DLGAP1: variants seen among roughly 807,000 people sequenced by gnomAD.
DLGAP1 encodes disks large-associated protein 1.
In DLGAP1, 11 loss-of-function variants were observed where a neutral mutation model predicts 90.8. The ratio of observed to expected loss-of-function variants is 0.12; its 90% CI spans 0.08 to 0.20. The LOEUF (loss-of-function observed/expected upper bound fraction) is 0.20. DLGAP1 is among the 10% of genes least tolerant of loss of function. The pLI, the probability that DLGAP1 is intolerant of heterozygous loss-of-function variation, is 1.00. For missense variants in DLGAP1, 1,050 were observed against 1,333.8 expected (o/e 0.79, Z 3.31); for synonymous variants, 558 against 540.7 (o/e 1.03, Z -0.44).
At chr18:4,216,295 C>A (rs955047192) in intron 1 of DLGAP1, among the ~76,000 whole-genome samples, 2 of 151,762 alleles carry the variant, frequency 1.3e-5, no homozygotes, top group Non-Finnish European at 2.9e-5. Context: ...TAAATTACCC[C>A]CCCCCCACCA....
chr18:4,118,552 C>A (rs979262145), intron 2 of DLGAP1, among the ~76,000 whole-genome samples: 1 of 152,122 alleles, frequency 6.6e-6, no homozygotes, highest in Non-Finnish European at 1.5e-5. Context: ...CTCTTAGTCA[C>A]CCCCGCCTAC....
In DLGAP1 at chr18:3,517,589, G is replaced by A. The variant is rs1370160607; in HGVS notation, c.2480-8928C>T. ...TCCCAGCACTTTGGGAGGCTGAGGCGGGTGGGTTACCTGAGGTCAGGAGGT... is the reference window on the plus strand; with the variant it reads ...TCCCAGCACTTTGGGAGGCTGAGGCAGGTGGGTTACCTGAGGTCAGGAGGT... On this transcript the variant is annotated intron_variant, in intron 10 of 12. Coordinates refer to ENST00000315677, the MANE Select transcript of DLGAP1 (RefSeq NM_004746.4). The surrounding 1 kb of genome is among the most constrained non-coding windows in gnomAD (Gnocchi z 4.1). 1.3e-5 allele frequency among the ~76,000 whole-genome samples: 2 copies of A among 151,992 alleles called. No individual in the cohort carries two copies. Among genetic ancestry groups the A allele is most frequent in the African/African-American group, 4.8e-5 (2 of 41,366 alleles).
At chr18:4,397,649 G>C (rs1428145201) in intron 1 of DLGAP1, among the ~76,000 whole-genome samples, 2 of 152,086 alleles carry the variant, frequency 1.3e-5, no homozygotes, top group African/African-American at 2.4e-5. Flanking sequence ...CAAGCTAATG[G>C]AGTAAAACTG....
chr18:4,098,389 TA>T (rs199942948), intron 2 of DLGAP1, among the ~76,000 whole-genome samples: 2 of 152,114 alleles, frequency 1.3e-5, no homozygotes, highest in African/African-American at 4.8e-5. Flanking sequence ...CTGAGTGATA[TA>T]AAAAAAGTAA....
At chr18:4,316,710 G>A (rs1283819905) in intron 1 of DLGAP1, among the ~76,000 whole-genome samples, 1 of 152,136 alleles carries the variant, frequency 6.6e-6, no homozygotes, top group Non-Finnish European at 1.5e-5. Flanking sequence ...ATTTAAGGCC[G>A]TCGAACTGAA....
chr18:3,999,301 G>A (rs1054369522), intron 3 of DLGAP1, among the ~76,000 whole-genome samples: 16 of 151,948 alleles, frequency 1.1e-4, no homozygotes, highest in African/African-American at 3.9e-4. Flanking sequence ...ATTATTAAAA[G>A]TTTATATGTA....
chr18:3,773,134 G>A (rs2064773833), intron 5 of DLGAP1, among the ~76,000 whole-genome samples: 1 of 151,798 alleles, frequency 6.6e-6, no homozygotes, highest in Admixed American at 6.6e-5. Flanking sequence ...AATGTGAAAG[G>A]GCACTATTGA....
In DLGAP1 at chr18:4,159,092, T is replaced by G. The variant is rs191812306; in HGVS notation, c.-266-7805A>C. Among the ~76,000 whole-genome samples, 8 of 152,298 alleles carry G rather than the reference T, an allele frequency of 5.3e-5. No individual in the cohort carries two copies. The East Asian group carries it at 1.5e-3, about 29-fold the overall frequency. On this transcript the variant is annotated intron_variant, in intron 1 of 12. Transcript: ENST00000315677. ...ATTTGAAAGAATGAGCAGTTGCCTA[T>G]TTCTGAACAATTGCACATTATTTCT...
chr18:3,667,772 G>A (rs1043538515), intron 7 of DLGAP1, among the ~76,000 whole-genome samples: 69 of 152,236 alleles, frequency 4.5e-4, no homozygotes, highest in African/African-American at 1.6e-3. Context: ...CACCCCCAAG[G>A]CTAGGCCAGA....
At chr18:3,788,466 T>G (rs1476686555) in intron 5 of DLGAP1, among the ~76,000 whole-genome samples, 1 of 152,194 alleles carries the variant, frequency 6.6e-6, no homozygotes, top group African/African-American at 2.4e-5. Flanking sequence ...AGTGAGTTGT[T>G]TCTATCCCAC....
rs547325677 is a variant in DLGAP1 at position 3,973,908 on chromosome 18, C to T, written c.-73+31208G>A. ...CAGAGTGGACTTAGATGGACCTAGA[C>T]GGCATAGCCTACCACACTCTCAGGC... is the stretch of plus-strand genomic sequence containing the variant. On this transcript the variant is annotated intron_variant, in intron 3 of 12. Transcript: ENST00000315677. 3.0e-4 allele frequency among the ~76,000 whole-genome samples: 45 copies of T among 152,222 alleles called. 1 individual carries two copies. The South Asian group carries it at 8.3e-3, about 28-fold the overall frequency.
chr18:4,041,551 C>A (rs2074975110), intron 2 of DLGAP1, among the ~76,000 whole-genome samples: 1 of 152,170 alleles, frequency 6.6e-6, no homozygotes, highest in Admixed American at 6.5e-5. Context: ...TACTGATACT[C>A]CCGAAAGAAA....
chr18:3,527,415 T>G (rs1334072646), intron 10 of DLGAP1, among the ~76,000 whole-genome samples: 7 of 146,384 alleles, frequency 4.8e-5, no homozygotes, highest in African/African-American at 1.0e-4. Flanking sequence ...CCAAACTTTT[T>G]TTTTTTTTTT....
intron 3 of DLGAP1, among the ~76,000 whole-genome samples, chr18:4,001,725 T>A: frequency 6.6e-6 from 1 of 152,182 alleles, no homozygotes. Context: ...TAGTTTCTCC[T>A]CAATGTGGGG....
intron 3 of DLGAP1, among the ~76,000 whole-genome samples, chr18:3,963,591 T>G (rs978567642): frequency 7.2e-5 from 11 of 151,818 alleles, no homozygotes; most frequent in African/African-American, 2.4e-4. Flanking sequence ...CTGTTTTTTT[T>G]TTTTTTTTTT....
At chr18:4,078,353 A>G (rs930597809) in intron 2 of DLGAP1, among the ~76,000 whole-genome samples, 10 of 152,198 alleles carry the variant, frequency 6.6e-5, no homozygotes, top group Admixed American at 4.6e-4. Context: ...GAAGTTACAC[A>G]CATTTATATT....
chr18:4,385,977 G>A (rs2082222689), intron 1 of DLGAP1, among the ~76,000 whole-genome samples: 1 of 152,122 alleles, frequency 6.6e-6, no homozygotes, highest in Admixed American at 6.6e-5. Context: ...AGAAATATAT[G>A]GAATGAGAAC....
intron 1 of DLGAP1, among the ~76,000 whole-genome samples, chr18:4,439,179 C>A (rs1290458358): frequency 6.6e-6 from 1 of 152,198 alleles, no homozygotes; most frequent in African/African-American, 2.4e-5. Flanking sequence ...TTTAATCCTA[C>A]CCATCCTTCT....
chr18:3,916,425 T>C (rs141114842), intron 3 of DLGAP1, among the ~76,000 whole-genome samples: 1,971 of 152,236 alleles, frequency 0.013, 27 homozygotes, highest in South Asian at 0.025. Context: ...AAATGGGGAC[T>C]ATGAAAAACT....
Sources: gnomAD v4.1 joint callset for allele counts (sites outside exome capture counted in the v4.1 genomes callset) on GRCh38, gnomAD v4.1.1 for gene constraint, Gnocchi (gnomAD v3.1) non-coding constraint, MANE v1.5 for transcripts, NCBI Gene and HGNC (gene_info 2026-07-23, HGNC 2026-07-21) for gene names.